Variants in ZNF37A observed in about 807,000 individuals in gnomAD.
ZNF37A encodes zinc finger protein 37a (KOX 21).
Under a neutral mutation model 12.3 loss-of-function variants are expected in ZNF37A, and 10 were observed. The ratio of observed to expected loss-of-function variants is 0.82; its 90% CI spans 0.50 to 1.38. ZNF37A has a LOEUF of 1.38. Ranked by LOEUF, ZNF37A falls within the 40% of genes most tolerant of loss-of-function variation. The pLI is 0.00. For missense variants in ZNF37A, 580 were observed against 651.2 expected (o/e 0.89, Z 1.19); for synonymous variants, 207 against 223.0 (o/e 0.93, Z 0.64).
chr10:38,104,211 C>T (rs1252848736), intron 5 of ZNF37A, among the ~76,000 whole-genome samples: 1 of 152,088 alleles, frequency 6.6e-6, no homozygotes, highest in African/African-American at 2.4e-5. Flanking sequence ...TAAATGCTTT[C>T]AACAAGCACT....
At chr10:38,117,171 G>A in intron 7 of ZNF37A, 8 of 984,894 alleles carry the variant, frequency 8.1e-6, no homozygotes, top group Non-Finnish European at 7.2e-6. Flanking sequence ...CAGAATTGGA[G>A]CCTGGATTAT....
At position 38,114,852 on chromosome 10, in the gene ZNF37A, T is replaced by G. The variant is rs750903877; in HGVS notation, c.113T>G (p.Leu38Arg). 4.8e-5 allele frequency: 77 copies of G among 1,613,334 alleles called. No individual in the cohort carries two copies. In the South Asian group the frequency reaches 7.8e-4, roughly 16 times the overall value. ...AQRTLYRDVMLENYSHLVSVG... is the reference protein window; with the variant it reads ...AQRTLYRDVMRENYSHLVSVG... ...AGGACCCTGTACAGGGATGTGATGC[T>G]GGAGAACTACAGCCACCTTGTCTCA... The change falls in exon 6 of 8, where the codon CTG becomes CGG. Residue 38 changes from leucine to arginine, a missense_variant. Transcript: ENST00000685332.
chr10:38,125,948 A>G (rs1023962703), downstream of ZNF37A, among the ~76,000 whole-genome samples: 12 of 152,132 alleles, frequency 7.9e-5, no homozygotes, highest in African/African-American at 2.9e-4. Flanking sequence ...AGAGAGAGGG[A>G]GTTGGGGCAA....
At chr10:38,144,915 C>T (rs1306942195) in intron 7 of ZNF37A, among the ~76,000 whole-genome samples, 1 of 151,970 alleles carries the variant, frequency 6.6e-6, no homozygotes, top group Non-Finnish European at 1.5e-5. Context: ...CCGGATTCTA[C>T]AACATATATA....
chr10:38,112,788 T>TCTTGTCTTGTCTTG lies in ZNF37A; in HGVS notation c.16-1967_16-1966insCTTGTCTTGTCTTG, dbSNP rs1564932518. 1.7e-3 allele frequency among the ~76,000 whole-genome samples: 190 copies of TCTTGTCTTGTCTTG among 111,398 alleles called. 9 individuals carry two copies. In the Middle Eastern group the frequency reaches 0.027, roughly 16 times the overall value. The allele number at this position is 111,398 out of a possible 152,430, so 73.1% of individuals were successfully genotyped here. ...TTCTTTTCTTTTCTTTTCTTTTCTT[T>TCTTGTCTTGTCTTG]TCTTTTCTTGTCTTGTCTTGTCTTC... On this transcript the variant is annotated intron_variant, in intron 5 of 7. Transcript: ENST00000685332.
chr10:38,141,603 A>G (rs1242619065), intron 7 of ZNF37A: 1 of 152,172 alleles, frequency 6.6e-6, no homozygotes, highest in Non-Finnish European at 1.5e-5. Flanking sequence ...CAATAATAAT[A>G]ATAGAAAAGT....
chr10:38,105,533 TAGC>T (rs1402300309), intron 5 of ZNF37A, among the ~76,000 whole-genome samples: 1 of 152,238 alleles, frequency 6.6e-6, no homozygotes, highest in Admixed American at 6.5e-5. Context: ...TTCTGATTAT[TAGC>T]AGCACAGTAT....
chr10:38,124,452 A>G lies in ZNF37A; in HGVS notation c.*5615A>G, dbSNP rs2069883430. 6.6e-6 allele frequency: 1 copy of G among 152,174 alleles called. No individual in the cohort carries two copies. The highest frequency in any genetic ancestry group is 6.5e-5 in the Admixed American group (1 of 15,276). 9.4% of individuals were successfully genotyped at this position (152,174 alleles called of 1,614,324 possible). A position where few individuals can be genotyped will look rare whatever the true frequency, so the allele number is the denominator to read the frequency against. On this transcript the variant is annotated 3_prime_UTR_variant, in exon 8 of 8. Transcript: ENST00000685332. ...AATAATTGTGCATTTTAAAGGTATA[A>G]TTGAATTGTAACACAAAGGATAAAT...
intron 5 of ZNF37A, among the ~76,000 whole-genome samples, chr10:38,112,733 T>G (rs200225746): frequency 0.13 from 8,376 of 65,036 alleles, 1,664 homozygotes; most frequent in African/African-American, 0.19. Context: ...TACATCCATT[T>G]TCTTTTCTTT....
At position 38,104,775 on chromosome 10, in the gene ZNF37A, TAC is replaced by T. The variant is rs34085657; in HGVS notation, c.15+8157_15+8158del. Among the ~76,000 whole-genome samples, 771 of 151,292 alleles carry T rather than the reference TAC, an allele frequency of 5.1e-3. 34 individuals carry two copies. Among genetic ancestry groups the T allele is most frequent in the Admixed American group, 0.045 (687 of 15,202 alleles). On this transcript the variant is annotated intron_variant, in intron 5 of 7. Coordinates refer to ENST00000685332, the MANE Select transcript of ZNF37A (RefSeq NM_001324250.3). Reference sequence around the variant, plus strand: ...GGAAATACATGTGTGTATGTATACATACACACACACACACAGAAATACACATG... The same window carrying T: ...GGAAATACATGTGTGTATGTATACATACACACACACACAGAAATACACATG...
chr10:38,129,617 G>C (rs1261655335), downstream of ZNF37A, among the ~76,000 whole-genome samples: 1 of 151,992 alleles, frequency 6.6e-6, no homozygotes, highest in East Asian at 1.9e-4. Context: ...CAATAAACTT[G>C]CTTTCACTTA....
chr10:38,144,308 A>G (rs2070225142), intron 7 of ZNF37A: 1 of 152,194 alleles, frequency 6.6e-6, no homozygotes, highest in Non-Finnish European at 1.5e-5. Context: ...ACTACCTTCT[A>G]AGATATAAAG....
At chr10:38,096,660 G>C (rs2067176481) in intron 5 of ZNF37A, 28 bp downstream of exon 5, 1 of 1,609,606 alleles carries the variant, frequency 6.2e-7, no homozygotes, top group Non-Finnish European at 8.5e-7. Context: ...TCACCGTTTT[G>C]CTTAAAAGTA....
At chr10:38,107,667 C>G (rs1285334079) in intron 5 of ZNF37A, among the ~76,000 whole-genome samples, 1 of 152,066 alleles carries the variant, frequency 6.6e-6, no homozygotes, top group Non-Finnish European at 1.5e-5. Context: ...GAATATTTAC[C>G]AAGCAATTGG....
chr10:38,106,589 G>T (rs1485566673), intron 5 of ZNF37A, among the ~76,000 whole-genome samples: 1 of 152,078 alleles, frequency 6.6e-6, no homozygotes, highest in Non-Finnish European at 1.5e-5. Context: ...ATCCAATGCA[G>T]GGAAGCTAAG....
Position 38,112,780 on chromosome 10 carries a change from CTTTTCTTTTCTTTTCT to C in ZNF37A, c.16-1973_16-1958del, listed in dbSNP as rs1564932384. ...CTTTTCTTTTCTTTTCTTTTCTTTT[CTTTTCTTTTCTTTTCT>C]TGTCTTGTCTTGTCTTCTTTTCTTT... On this transcript the variant is annotated intron_variant, in intron 5 of 7. Coordinates refer to ENST00000685332, the MANE Select transcript of ZNF37A (RefSeq NM_001324250.3). 6.4e-4 allele frequency among the ~76,000 whole-genome samples: 34 copies of C among 52,976 alleles called. 3 individuals are homozygous for C. Among genetic ancestry groups the C allele is most frequent in the African/African-American group, 7.5e-4 (10 of 13,320 alleles). 34.8% of individuals were successfully genotyped at this position (52,976 alleles called of 152,430 possible). A position where few individuals can be genotyped will look rare whatever the true frequency, so the allele number is the denominator to read the frequency against.
chr10:38,132,510 T>C (rs2136076983), intron 7 of ZNF37A, among the ~76,000 whole-genome samples: 1 of 152,264 alleles, frequency 6.6e-6, no homozygotes, highest in African/African-American at 2.4e-5. Context: ...TTTACTAGTA[T>C]TTTGTTTAAA....
chr10:38,098,104 A>G lies in ZNF37A; in HGVS notation c.15+1472A>G, dbSNP rs188412103. 2.0e-4 allele frequency among the ~76,000 whole-genome samples: 30 copies of G among 152,316 alleles called. No homozygotes were observed. In the East Asian group the frequency reaches 4.8e-3, roughly 24 times the overall value. Reference sequence around the variant, plus strand: ...TTGTGTCTGATCTCTCACTTAGAATAATGTTTTCAAGACCCATTTATGTTG... The same window carrying G: ...TTGTGTCTGATCTCTCACTTAGAATGATGTTTTCAAGACCCATTTATGTTG... On this transcript the variant is annotated intron_variant, in intron 5 of 7. Transcript: ENST00000685332.
chr10:38,112,741 T>G lies in ZNF37A; in HGVS notation c.16-2014T>G, dbSNP rs1564931793. ...TGTATTTTACATCCATTTTCTTTTC[T>G]TTTCTTTTCTTTTCTTTTCTTTTCT... On this transcript the variant is annotated intron_variant, in intron 5 of 7. Transcript: ENST00000685332. Among the ~76,000 whole-genome samples the G allele has an allele frequency of 7.3e-3, 191 of 26,092 alleles. 31 individuals carry two copies. Among genetic ancestry groups the G allele is most frequent in the Middle Eastern group, 0.032 (2 of 62 alleles). 17.1% of individuals were successfully genotyped at this position (26,092 alleles called of 152,430 possible).
Sources: gnomAD v4.1 joint callset for allele counts (sites outside exome capture counted in the v4.1 genomes callset) on GRCh38, gnomAD v4.1.1 for gene constraint, MANE v1.5 for transcripts, NCBI Gene and HGNC (gene_info 2026-07-23, HGNC 2026-07-21) for gene names.